The following ZRANB3 variants were observed in gnomAD, a reference collection of about 807,000 sequenced individuals.
The protein encoded by ZRANB3 is zinc finger RANBP2-type containing 3, also known as DNA annealing helicase and endonuclease ZRANB3.
ZRANB3 carries 125 observed loss-of-function variants against 133.8 expected under a neutral mutation model. The ratio of observed to expected loss-of-function variants is 0.93; its 90% CI spans 0.81 to 1.08. The LOEUF is 1.08. ZRANB3 is among the 50% of genes least tolerant of loss of function. ZRANB3 has a pLI of 0.00. For synonymous variants in ZRANB3, 387 were observed against 432.7 expected (o/e 0.89, Z 1.31); for missense variants, 1,229 against 1,275.5 (o/e 0.96, Z 0.56).
At chr2:135,311,635 AGC>A (rs1347042880) in intron 8 of ZRANB3, among the ~76,000 whole-genome samples, 2 of 152,218 alleles carry the variant, frequency 1.3e-5, no homozygotes, top group Non-Finnish European at 2.9e-5. Context: ...CTATAACCCC[AGC>A]GCTTTGGGAG....
chr2:135,510,497 A>G, intron 1 of ZRANB3: 2 of 564,706 alleles, frequency 3.5e-6, no homozygotes, highest in South Asian at 2.1e-5. Flanking sequence ...GAAATTCACC[A>G]TTCTGTAGGA....
At chr2:135,501,226 A>G (rs953531231) in intron 2 of ZRANB3, among the ~76,000 whole-genome samples, 3 of 152,244 alleles carry the variant, frequency 2.0e-5, no homozygotes, top group Middle Eastern at 3.4e-3. Context: ...GCTAAAAAGA[A>G]TAATTCAATG....
intron 1 of ZRANB3, among the ~76,000 whole-genome samples, chr2:135,520,020 A>G (rs998702036): frequency 9.9e-5 from 15 of 152,260 alleles, no homozygotes; most frequent in Admixed American, 6.5e-4. Context: ...CTCTGTCTTC[A>G]TCTTACCGGA....
chr2:135,242,618 G>A (rs1224026425), intron 12 of ZRANB3, among the ~76,000 whole-genome samples: 1 of 151,942 alleles, frequency 6.6e-6, no homozygotes, highest in Non-Finnish European at 1.5e-5. Flanking sequence ...AGATCAACTT[G>A]TGTCCTTCCG....
intron 2 of ZRANB3, among the ~76,000 whole-genome samples, chr2:135,429,117 A>G (rs1689213506): frequency 6.6e-6 from 1 of 152,266 alleles, no homozygotes; most frequent in African/African-American, 2.4e-5. Context: ...CACAATAGCA[A>G]AGACATGGAA....
chr2:135,271,931 T>G lies in ZRANB3; in HGVS notation c.1087-44A>C, dbSNP rs1339556666. ...ACGGCAAAATTAGGACAAGGCCCTATGTACCCATCTCATTTTATATATTTT... is the reference window on the plus strand; with the variant it reads ...ACGGCAAAATTAGGACAAGGCCCTAGGTACCCATCTCATTTTATATATTTT... On this transcript the variant is annotated intron_variant, in intron 9 of 20. Coordinates refer to ENST00000264159, the MANE Select transcript of ZRANB3 (RefSeq NM_032143.4). The G allele has an allele frequency of 2.6e-6, 4 of 1,539,160 alleles. No individual in the cohort carries two copies. The South Asian group carries it at 3.9e-5, about 15-fold the overall frequency.
At chr2:135,492,576 T>C (rs554502609) in intron 2 of ZRANB3, among the ~76,000 whole-genome samples, 11 of 152,280 alleles carry the variant, frequency 7.2e-5, no homozygotes, top group Admixed American at 6.5e-4. Context: ...CACCTAGAAA[T>C]GCTAAATTAG....
At chr2:135,443,714 C>G (rs1308675386) in intron 2 of ZRANB3, among the ~76,000 whole-genome samples, 1 of 151,810 alleles carries the variant, frequency 6.6e-6, no homozygotes, top group South Asian at 2.1e-4. Flanking sequence ...AAATACTGAT[C>G]AGTACTTTTC....
At chr2:135,382,341 T>C (rs1232376065) in intron 3 of ZRANB3, among the ~76,000 whole-genome samples, 1 of 152,134 alleles carries the variant, frequency 6.6e-6, no homozygotes, top group Non-Finnish European at 1.5e-5. Flanking sequence ...TATGGGACTA[T>C]GTGAAAAGAC....
At position 135,334,069 on chromosome 2, in the gene ZRANB3, G is replaced by C. The variant is rs74501981; in HGVS notation, c.677+11481C>G. Among the ~76,000 whole-genome samples the C allele has an allele frequency of 2.9e-3, 438 of 152,210 alleles. 4 individuals carry two copies. The East Asian group carries it at 0.037, about 13-fold the overall frequency. ...TTGAAACTCTCTTCTTTTAGTTCTAGAATATTCAACTAGGTTAGTATTTGA... is the reference window on the plus strand; with the variant it reads ...TTGAAACTCTCTTCTTTTAGTTCTACAATATTCAACTAGGTTAGTATTTGA... On this transcript the variant is annotated intron_variant, in intron 6 of 20. Transcript: ENST00000264159.
At chr2:135,226,174 C>A (rs1694754991) in intron 14 of ZRANB3, among the ~76,000 whole-genome samples, 1 of 152,162 alleles carries the variant, frequency 6.6e-6, no homozygotes, top group African/African-American at 2.4e-5. Flanking sequence ...GATATTAATT[C>A]TTGATAGCTA....
intron 8 of ZRANB3, among the ~76,000 whole-genome samples, chr2:135,306,237 T>C (rs566669792): frequency 8.4e-4 from 128 of 152,288 alleles, no homozygotes; most frequent in African/African-American, 2.4e-3. Context: ...CTTTATGGTA[T>C]TCCATAGGCT....
intron 1 of ZRANB3, among the ~76,000 whole-genome samples, chr2:135,530,117 C>T (rs1429203911): frequency 2.6e-5 from 4 of 151,242 alleles, no homozygotes; most frequent in African/African-American, 9.7e-5. Flanking sequence ...ATCCCAGCTA[C>T]TCCGGAGGCT....
chr2:135,478,952 T>C (rs887016919), intron 2 of ZRANB3, among the ~76,000 whole-genome samples: 2 of 151,994 alleles, frequency 1.3e-5, no homozygotes, highest in Non-Finnish European at 2.9e-5. Flanking sequence ...CTTATATATG[T>C]TATATATACT....
At chr2:135,204,658 T>G (rs9678302) in intron 19 of ZRANB3, among the ~76,000 whole-genome samples, 1 of 139,030 alleles carries the variant, frequency 7.2e-6, no homozygotes, top group African/African-American at 2.9e-5. Context: ...AAAATATATA[T>G]ATATACATAT....
rs374119156 is a variant in ZRANB3, at chr2:135,398,521, C to CTTTTTTTTTTT, written c.162-7712_162-7702dup. Among the ~76,000 whole-genome samples the CTTTTTTTTTTT allele has an allele frequency of 1.5e-4, 19 of 123,906 alleles. 1 individual carries two copies. The highest frequency in any genetic ancestry group is 4.5e-4 in the African/African-American group (13 of 29,056). The allele number at this position is 123,906 out of a possible 152,430, so 81.3% of individuals were successfully genotyped here. On this transcript the variant is annotated intron_variant, in intron 2 of 20. Transcript: ENST00000264159. ...CAAACAAAAACCATTTCTTTTGTCA[C>CTTTTTTTTTTT]TTTTTTTTTTTTTTTGAGATGGAGT...
At chr2:135,475,023 T>C (rs1478916540) in intron 2 of ZRANB3, among the ~76,000 whole-genome samples, 1 of 152,186 alleles carries the variant, frequency 6.6e-6, no homozygotes. Flanking sequence ...TCTGCCTTCA[T>C]GAACTGGTAA....
intron 15 of ZRANB3, among the ~76,000 whole-genome samples, chr2:135,220,414 T>C (rs1468828815): frequency 6.6e-6 from 1 of 151,902 alleles, no homozygotes; most frequent in Non-Finnish European, 1.5e-5. Flanking sequence ...ATTAAAAATT[T>C]TGAGGCCAGG....
intron 3 of ZRANB3, among the ~76,000 whole-genome samples, chr2:135,387,938 T>A (rs147416110): frequency 1.3e-5 from 2 of 152,126 alleles, no homozygotes; most frequent in African/African-American, 4.8e-5. Context: ...TGCATACTCG[T>A]TAACTGAGGA....
Sources: gnomAD v4.1 joint callset for allele counts (sites outside exome capture counted in the v4.1 genomes callset) on GRCh38, gnomAD v4.1.1 for gene constraint, MANE v1.5 for transcripts, NCBI Gene and HGNC (gene_info 2026-07-23, HGNC 2026-07-21) for gene names.